Variants in PHF21A observed in about 807,000 individuals in gnomAD.
The protein encoded by PHF21A is PHD finger protein 21A.
A neutral mutation model predicts 82.5 loss-of-function variants in PHF21A; 11 were observed. The observed-to-expected ratio is 0.13, with a 90% confidence interval of 0.08 to 0.22. The LOEUF (loss-of-function observed/expected upper bound fraction) is 0.22, where lower values mean the gene tolerates loss of function less well. Among genes scored for constraint, PHF21A ranks in the 10% least tolerant of loss-of-function variants. The pLI, the probability that PHF21A is intolerant of heterozygous loss-of-function variation, is 1.00. For missense variants in PHF21A, 579 were observed against 837.8 expected (o/e 0.69, Z 3.81); for synonymous variants, 297 against 302.8 (o/e 0.98, Z 0.20).
intron 6 of PHF21A, among the ~76,000 whole-genome samples, chr11:45,989,490 T>A (rs866373312): frequency 2.6e-4 from 26 of 100,910 alleles, no homozygotes; most frequent in Non-Finnish European, 3.3e-4. Flanking sequence ...CCATCTCTAC[T>A]AAAAAAAAAA....
intron 6 of PHF21A, among the ~76,000 whole-genome samples, chr11:45,994,273 T>C (rs2094827022): frequency 6.6e-6 from 1 of 152,158 alleles, no homozygotes; most frequent in Non-Finnish European, 1.5e-5. Flanking sequence ...TTACTTACCA[T>C]CCACTAAAGC....
chr11:46,074,016 T>C (rs2860404), intron 6 of PHF21A, among the ~76,000 whole-genome samples: 80,985 of 151,924 alleles, frequency 0.53, 25,170 homozygotes, highest in Non-Finnish European at 0.7. Context: ...TACATAGTTT[T>C]AAGGGAGAAA....
In PHF21A at chr11:46,089,097, C is replaced by T. The variant is rs190761011; in HGVS notation, c.-84+1358G>A. Among the ~76,000 whole-genome samples, 44 of 152,262 alleles carry T rather than the reference C, an allele frequency of 2.9e-4. 1 individual carries two copies. In the East Asian group the frequency reaches 6.2e-3, roughly 21 times the overall value. On this transcript the variant is annotated intron_variant, in intron 3 of 18. Transcript: ENST00000676320. ...ACAACTCCATGTTCTCTATACCATG[C>T]ATTTATTTGGTGTGAAACTCCTCTG... is the stretch of plus-strand genomic sequence containing the variant.
At chr11:46,033,809 C>T (rs1026057341) in intron 6 of PHF21A, among the ~76,000 whole-genome samples, 1 of 152,144 alleles carries the variant, frequency 6.6e-6, no homozygotes, top group Non-Finnish European at 1.5e-5. Flanking sequence ...TAGGTGGCTG[C>T]TAGAAATCTT....
At chr11:46,023,087 C>A (rs185266174) in intron 6 of PHF21A, among the ~76,000 whole-genome samples, 1 of 152,024 alleles carries the variant, frequency 6.6e-6, no homozygotes, top group East Asian at 1.9e-4. Flanking sequence ...AGGCTAAGGT[C>A]TCAGACCTTG....
intron 6 of PHF21A, among the ~76,000 whole-genome samples, chr11:46,003,687 A>C (rs1000748059): frequency 6.6e-5 from 10 of 152,220 alleles, no homozygotes; most frequent in African/African-American, 2.4e-4. Context: ...TGGAAGTATG[A>C]GTATGGCTCA....
intron 10 of PHF21A, among the ~76,000 whole-genome samples, chr11:45,962,279 T>C (rs559569995): frequency 2.1e-5 from 3 of 141,244 alleles, no homozygotes; most frequent in South Asian, 2.4e-4. Flanking sequence ...AGCCTGGTCA[T>C]AGAGAGAACG....
At chr11:45,956,060 C>T (rs1330307950) in intron 10 of PHF21A, among the ~76,000 whole-genome samples, 1 of 152,186 alleles carries the variant, frequency 6.6e-6, no homozygotes, top group Non-Finnish European at 1.5e-5. Context: ...ACCAAGAATT[C>T]TATATCCTGC....
chr11:46,089,782 T>C (rs1012261076), intron 3 of PHF21A, among the ~76,000 whole-genome samples: 16 of 129,846 alleles, frequency 1.2e-4, no homozygotes, highest in African/African-American at 4.3e-4. Context: ...AAAATATCTT[T>C]CTAATCTCTA....
At chr11:46,034,153 C>T (rs1490081773) in intron 6 of PHF21A, among the ~76,000 whole-genome samples, 2 of 152,076 alleles carry the variant, frequency 1.3e-5, no homozygotes, top group African/African-American at 4.8e-5. Flanking sequence ...TCCACTGATG[C>T]TTCCTATTCT....
intron 6 of PHF21A, among the ~76,000 whole-genome samples, chr11:46,023,854 G>C (rs183497945): frequency 2.0e-5 from 3 of 152,282 alleles, no homozygotes. Flanking sequence ...TACTCAGGAG[G>C]CTAAGGCAGG....
At chr11:45,937,329 C>T (rs776410393) in intron 16 of PHF21A, among the ~76,000 whole-genome samples, 2 of 152,216 alleles carry the variant, frequency 1.3e-5, no homozygotes, top group East Asian at 1.9e-4. Flanking sequence ...TGAGAAAAGG[C>T]GACCAGAAAC....
chr11:46,036,031 A>G (rs960348010), intron 6 of PHF21A, among the ~76,000 whole-genome samples: 3 of 152,244 alleles, frequency 2.0e-5, no homozygotes, highest in African/African-American at 7.2e-5. Context: ...AACTCTTTAA[A>G]TAAGCCAGGC....
At chr11:45,964,309 T>G (rs1459563386) in intron 10 of PHF21A, among the ~76,000 whole-genome samples, 1 of 151,964 alleles carries the variant, frequency 6.6e-6, no homozygotes, top group Non-Finnish European at 1.5e-5. Context: ...TGTGTTCTTG[T>G]GTTTCCTAAG....
rs552982546 is a variant in PHF21A, at chr11:45,930,674, A to G, written c.*3294T>C. The G allele has an allele frequency of 6.6e-6, 1 of 152,504 alleles. No homozygotes were observed. The highest frequency in any genetic ancestry group is 1.5e-5 in the Non-Finnish European group (1 of 68,198). 9.4% of individuals were successfully genotyped at this position (152,504 alleles called of 1,614,324 possible). On this transcript the variant is annotated 3_prime_UTR_variant, in exon 19 of 19. Transcript: ENST00000676320. ...CAGGGGACTCCCAGTCATCACTGCC[A>G]CCAGGGCGCAGCGCCTGATCAGGAG...
chr11:45,955,582 C>A (rs954238503), intron 10 of PHF21A, among the ~76,000 whole-genome samples: 10 of 152,100 alleles, frequency 6.6e-5, no homozygotes, highest in African/African-American at 2.4e-4. Flanking sequence ...TAAGGAAGGG[C>A]AAATCAATTC....
intron 12 of PHF21A, 144 bp downstream of exon 12, chr11:45,950,062 A>T: frequency 1.6e-6 from 1 of 634,258 alleles, no homozygotes; most frequent in Non-Finnish European, 2.7e-6. Flanking sequence ...CAATTTTCCC[A>T]CTAAAGGAAA....
chr11:45,936,616 A>C, intron 16 of PHF21A, 47 bp from the exon 17 acceptor site: 1 of 1,230,342 alleles, frequency 8.1e-7, no homozygotes, highest in Non-Finnish European at 1.2e-6. Flanking sequence ...GTTTAAACAC[A>C]CATCCTCTAT....
At position 45,990,712 on chromosome 11, in the gene PHF21A, G is replaced by GTTT. The variant is rs35982936; in HGVS notation, c.154-10749_154-10747dup. ...GAACATAAAGGCAGTCCCTTGATTT[G>GTTT]TTTTTTTTTTTTAAAGAAGACTTTA... On this transcript the variant is annotated intron_variant, in intron 6 of 18. Coordinates refer to ENST00000676320, the MANE Select transcript of PHF21A (RefSeq NM_001352027.3). Among the ~76,000 whole-genome samples the GTTT allele has an allele frequency of 7.7e-4, 113 of 147,572 alleles. 3 individuals are homozygous for GTTT. Among genetic ancestry groups the GTTT allele is most frequent in the Non-Finnish European group, 3.9e-4 (26 of 66,948 alleles).
Sources: allele counts gnomAD v4.1 joint callset (sites outside exome capture counted in the v4.1 genomes callset), GRCh38; gene constraint gnomAD v4.1.1; transcripts MANE v1.5; gene names NCBI Gene and HGNC (gene_info 2026-07-23, HGNC 2026-07-21).